Variants in GALK2 observed in about 807,000 individuals in gnomAD.
GALK2 encodes galactokinase 2, also known as N-acetylgalactosamine kinase.
A neutral mutation model predicts 52.4 loss-of-function variants in GALK2; 36 were observed. That is an observed-to-expected ratio of 0.69 (90% CI 0.53 to 0.91). The LOEUF (loss-of-function observed/expected upper bound fraction) is 0.91. Ranked by LOEUF, GALK2 falls within the 40% of genes least tolerant of loss-of-function variation. The pLI is 0.00. For synonymous variants in GALK2, 176 were observed against 199.1 expected (o/e 0.88, Z 0.98); for missense variants, 579 against 559.1 (o/e 1.04, Z -0.36).
At chr15:49,203,216 A>G (rs2087946115) in intron 2 of GALK2, among the ~76,000 whole-genome samples, 1 of 151,944 alleles carries the variant, frequency 6.6e-6, no homozygotes, top group African/African-American at 2.4e-5. Context: ...ATGCCCAGGT[A>G]ATTTTTGTAT....
intron 1 of GALK2, among the ~76,000 whole-genome samples, chr15:49,191,961 A>G (rs1182537461): frequency 1.3e-5 from 2 of 150,294 alleles, no homozygotes; most frequent in Admixed American, 6.6e-5. Context: ...TCGGGTTTTT[A>G]TTTTATTCTA....
intron 8 of GALK2, among the ~76,000 whole-genome samples, chr15:49,299,756 T>C (rs1294938109): frequency 1.5e-5 from 2 of 137,816 alleles, no homozygotes; most frequent in African/African-American, 2.8e-5. Flanking sequence ...TCTTTCTTTC[T>C]TTCTTTCTTT....
intron 5 of GALK2, among the ~76,000 whole-genome samples, chr15:49,269,926 G>A (rs1031307193): frequency 1.5e-4 from 23 of 152,154 alleles, no homozygotes; most frequent in Non-Finnish European, 2.8e-4. Flanking sequence ...TGAAGGAACC[G>A]CTTGTGCGTC....
At chr15:49,186,032 C>T (rs1050118035) in intron 1 of GALK2, among the ~76,000 whole-genome samples, 4 of 151,990 alleles carry the variant, frequency 2.6e-5, no homozygotes, top group Non-Finnish European at 5.9e-5. Context: ...TTTTAGGATC[C>T]TTTCTTTATC....
chr15:49,230,695 C>T (rs944435071), intron 3 of GALK2, among the ~76,000 whole-genome samples: 1 of 152,160 alleles, frequency 6.6e-6, no homozygotes, highest in Admixed American at 6.5e-5. Flanking sequence ...GGTCTACCTA[C>T]CCCAGGTCCA....
chr15:49,334,381 C>T (rs1365926091), downstream of GALK2: 6 of 276,314 alleles, frequency 2.2e-5, no homozygotes, highest in East Asian at 1.8e-4. Flanking sequence ...CTGATATACA[C>T]GTGTTAGTAA....
intron 2 of GALK2, among the ~76,000 whole-genome samples, chr15:49,210,486 C>T (rs1241092223): frequency 6.6e-6 from 1 of 151,800 alleles, no homozygotes; most frequent in African/African-American, 2.4e-5. Flanking sequence ...GTTGCCCAAG[C>T]TGGAGTGCAA....
At chr15:49,227,756 G>A (rs1157390418) in intron 3 of GALK2, among the ~76,000 whole-genome samples, 1 of 151,726 alleles carries the variant, frequency 6.6e-6, no homozygotes, top group Non-Finnish European at 1.5e-5. Flanking sequence ...GTGGTGTTCT[G>A]TAGTGGTAAC....
intron 1 of GALK2, chr15:49,177,506 C>CT (rs1196603339): frequency 6.3e-6 from 1 of 159,040 alleles, no homozygotes; most frequent in East Asian, 1.7e-4. Flanking sequence ...ATGAAATAAT[C>CT]TACAGACTAG....
intron 1 of GALK2, among the ~76,000 whole-genome samples, chr15:49,191,469 A>G (rs189233805): frequency 2.3e-4 from 35 of 152,314 alleles, no homozygotes; most frequent in African/African-American, 8.2e-4. Context: ...ATGGCCTCCT[A>G]TAATTTTCAT....
chr15:49,327,847 T>TA, intron 9 of GALK2, 105 bp from the exon 10 acceptor site: 1 of 1,048,228 alleles, frequency 9.5e-7, no homozygotes, highest in South Asian at 1.8e-5. Context: ...ACCCCGCATG[T>TA]ATTTTCTTCT....
chr15:49,273,532 C>T (rs892564809), intron 5 of GALK2, among the ~76,000 whole-genome samples: 1 of 149,936 alleles, frequency 6.7e-6, no homozygotes, highest in Non-Finnish European at 1.5e-5. Flanking sequence ...TAATAGCCTC[C>T]TTCTTGAAAA....
intron 5 of GALK2, among the ~76,000 whole-genome samples, chr15:49,279,655 A>G (rs2032407056): frequency 6.6e-6 from 1 of 152,192 alleles, no homozygotes; most frequent in African/African-American, 2.4e-5. Flanking sequence ...ACATACTGTG[A>G]CTCAGTAAAT....
chr15:49,176,087 C>CA (rs2141194831), intron 1 of GALK2, among the ~76,000 whole-genome samples: 1 of 152,348 alleles, frequency 6.6e-6, no homozygotes, highest in Non-Finnish European at 1.5e-5. Flanking sequence ...TGTCCTGCTA[C>CA]AATGTGAGAT....
intron 8 of GALK2, among the ~76,000 whole-genome samples, chr15:49,313,119 C>T (rs1328972853): frequency 6.6e-6 from 1 of 152,210 alleles, no homozygotes; most frequent in African/African-American, 2.4e-5. Flanking sequence ...TGTACCCTGA[C>T]TCAAAGGGGT....
intron 3 of GALK2, among the ~76,000 whole-genome samples, chr15:49,345,897 G>A (rs2041404995): frequency 6.6e-6 from 1 of 152,166 alleles, no homozygotes; most frequent in Admixed American, 6.5e-5. Context: ...CCTTGCCTTT[G>A]AGAGATTGAG....
intron 1 of GALK2, among the ~76,000 whole-genome samples, chr15:49,162,374 T>G (rs73390335): frequency 4.2e-4 from 64 of 152,370 alleles, no homozygotes; most frequent in African/African-American, 1.5e-3. Context: ...CAATTCATCT[T>G]ACCCATTTAT....
At chr15:49,200,926 C>G (rs1017904579) in intron 1 of GALK2, among the ~76,000 whole-genome samples, 4 of 152,108 alleles carry the variant, frequency 2.6e-5, no homozygotes, top group Admixed American at 2.6e-4. Flanking sequence ...CTTCAGTGTG[C>G]TTAGCTATAC....
At chr15:49,248,766 G>A (rs536812636) in intron 5 of GALK2, among the ~76,000 whole-genome samples, 1 of 152,250 alleles carries the variant, frequency 6.6e-6, no homozygotes, top group African/African-American at 2.4e-5. Flanking sequence ...CTTTGCAGAC[G>A]TTGTTTGGGT....
Sources: allele counts gnomAD v4.1 joint callset (sites outside exome capture counted in the v4.1 genomes callset), GRCh38; gene constraint gnomAD v4.1.1; transcripts MANE v1.5; gene names NCBI Gene and HGNC (gene_info 2026-07-23, HGNC 2026-07-21).